The following RIMBP2 variants were observed in gnomAD, a reference collection of about 807,000 sequenced individuals.
The protein encoded by RIMBP2 is RIMS-binding protein 2.
A neutral mutation model predicts 118.6 loss-of-function variants in RIMBP2; 48 were observed. The ratio of observed to expected loss-of-function variants is 0.40; its 90% CI spans 0.32 to 0.51. RIMBP2 has a LOEUF of 0.51. Ranked by LOEUF, RIMBP2 falls within the 20% of genes least tolerant of loss-of-function variation. The probability of loss-of-function intolerance (pLI) is 0.41; values close to 1 mark genes in which losing one functional copy is unlikely to be tolerated. For synonymous variants in RIMBP2, 762 were observed against 742.9 expected (o/e 1.03, Z -0.42); for missense variants, 1,551 against 1,768.3 (o/e 0.88, Z 2.20).
chr12:130,668,163 C>A (rs759124043), intron 1 of RIMBP2: 2 of 152,166 alleles, frequency 1.3e-5, no homozygotes, highest in Non-Finnish European at 2.9e-5. Context: ...CCTTAACCTG[C>A]GAAACCCGAC....
chr12:130,456,430 C>A (rs1043552753), intron 7 of RIMBP2, 66 bp downstream of exon 7: 9 of 1,425,600 alleles, frequency 6.3e-6, no homozygotes, highest in African/African-American at 2.8e-5. Context: ...CCTGTGCACA[C>A]CCTCGCAGGC....
At chr12:130,456,944 C>T (rs536820227) in intron 6 of RIMBP2, among the ~76,000 whole-genome samples, 1 of 152,210 alleles carries the variant, frequency 6.6e-6, no homozygotes, top group Non-Finnish European at 1.5e-5. Flanking sequence ...GAGAGCAGTG[C>T]CTGATAAACC....
At chr12:130,532,442 G>A (rs1252621424) in intron 2 of RIMBP2, among the ~76,000 whole-genome samples, 1 of 151,058 alleles carries the variant, frequency 6.6e-6, no homozygotes, top group Non-Finnish European at 1.5e-5. Flanking sequence ...GCCTCTAGGA[G>A]GGACGTCTAA....
intron 2 of RIMBP2, among the ~76,000 whole-genome samples, chr12:130,543,129 G>A (rs187374324): frequency 7.2e-5 from 11 of 152,294 alleles, no homozygotes; most frequent in African/African-American, 4.8e-5. Flanking sequence ...CAGGCTAAAC[G>A]CCTTTCCAGA....
At position 130,434,711 on chromosome 12, in the gene RIMBP2, T is replaced by C; in HGVS notation, c.2253+23A>G. The C allele has an allele frequency of 6.2e-7, 1 of 1,605,858 alleles. No homozygotes were observed. The highest frequency in any genetic ancestry group is 8.5e-7 in the Non-Finnish European group (1 of 1,177,280). ...GAGCCCGCGCCCACCAGGAGGATGG[T>C]GTGGGGCCCGGCCCGCTCTCACCTG... On this transcript the variant is annotated intron_variant, in intron 14 of 22. Transcript: ENST00000690449. This position sits in a 1 kb window ranked among gnomAD's most constrained non-coding sequence, Gnocchi z 5.7.
At position 130,441,981 on chromosome 12, in the gene RIMBP2, C is replaced by T; in HGVS notation, c.1371G>A (p.Gln457=). ...DIVKAARYKY[Q]FFNLRPNMAY... ...CCATGTTGGGCCTGAGATTGAAGAACTGGTACTTGTACCTGGCGGCCTTGA... is the reference window on the plus strand; with the variant it reads ...CCATGTTGGGCCTGAGATTGAAGAATTGGTACTTGTACCTGGCGGCCTTGA... Residue 457 remains glutamine, a synonymous_variant, in exon 11 of 23, where the codon CAG becomes CAA. Transcript: ENST00000690449. The T allele has an allele frequency of 2.5e-6, 4 of 1,614,180 alleles. No homozygotes were observed. The highest frequency in any genetic ancestry group is 8.5e-7 in the Non-Finnish European group (1 of 1,180,050).
At chr12:130,413,975 C>T (rs2075931069) in intron 18 of RIMBP2, 150 bp downstream of exon 18, 3 of 846,758 alleles carry the variant, frequency 3.5e-6, no homozygotes, top group African/African-American at 3.4e-5. Context: ...CCCTTGCCGT[C>T]ACAGCACCAT....
At chr12:130,596,399 G>T (rs2059563667) in intron 2 of RIMBP2, among the ~76,000 whole-genome samples, 1 of 151,424 alleles carries the variant, frequency 6.6e-6, no homozygotes, top group Non-Finnish European at 1.5e-5. Context: ...CATTTCACAG[G>T]CGTTGAAACC....
intron 7 of RIMBP2, among the ~76,000 whole-genome samples, chr12:130,455,936 A>G (rs61144917): frequency 0.013 from 1,921 of 152,198 alleles, 35 homozygotes; most frequent in African/African-American, 0.043. Flanking sequence ...GCACACACAC[A>G]GGGGGCTTCT....
intron 1 of RIMBP2, among the ~76,000 whole-genome samples, chr12:130,707,631 C>A (rs74741935): frequency 6.6e-6 from 1 of 152,046 alleles, no homozygotes; most frequent in Non-Finnish European, 1.5e-5. Flanking sequence ...CAAGAGTGGG[C>A]GTGGACTGAG....
In RIMBP2 at chr12:130,434,606, TG is replaced by T; in HGVS notation, c.2253+127del. ...ACCTAGCACGACTTAGGACCCCAGC[TG>T]GGCGTCTCCATCTCTCTCAGGGACC... On this transcript the variant is annotated intron_variant, in intron 14 of 22. Transcript: ENST00000690449. The surrounding 1 kb of genome is among the most constrained non-coding windows in gnomAD (Gnocchi z 5.7). The T allele has an allele frequency of 1.0e-6, 1 of 967,644 alleles. No homozygotes were observed. The highest frequency in any genetic ancestry group is 1.5e-6 in the Non-Finnish European group (1 of 665,982). 59.9% of individuals were successfully genotyped at this position (967,644 alleles called of 1,614,324 possible).
At chr12:130,467,437 G>C (rs1378287649) in intron 6 of RIMBP2, among the ~76,000 whole-genome samples, 1 of 152,328 alleles carries the variant, frequency 6.6e-6, no homozygotes, top group South Asian at 2.1e-4. Flanking sequence ...AGTGCAAGAG[G>C]ACAGCTTCGA....
chr12:130,531,696 G>C (rs2053392087), intron 2 of RIMBP2, among the ~76,000 whole-genome samples: 1 of 152,256 alleles, frequency 6.6e-6, no homozygotes, highest in Non-Finnish European at 1.5e-5. Flanking sequence ...GAATAGAACA[G>C]TGGTGCCTGC....
At chr12:130,504,674 C>T (rs1395071579) in intron 4 of RIMBP2, among the ~76,000 whole-genome samples, 3 of 150,030 alleles carry the variant, frequency 2.0e-5, no homozygotes, top group African/African-American at 7.4e-5. Flanking sequence ...GAGAATATGA[C>T]TACGTCGCTT....
intron 2 of RIMBP2, among the ~76,000 whole-genome samples, chr12:130,568,143 A>T (rs10744469): frequency 0.79 from 120,393 of 152,192 alleles, 47,764 homozygotes; most frequent in East Asian, 0.86. Flanking sequence ...GGCCTTTGGC[A>T]GTCTTAAGGT....
At chr12:130,636,470 A>C (rs1294014670) in intron 1 of RIMBP2, among the ~76,000 whole-genome samples, 4 of 152,036 alleles carry the variant, frequency 2.6e-5, no homozygotes, top group Admixed American at 2.6e-4. Context: ...CACTCATTGG[A>C]CCTCACTAAA....
Position 130,424,893 on chromosome 12 carries a change from AAG to A in RIMBP2, c.2413-37_2413-36del, listed in dbSNP as rs1388389329. The A allele has an allele frequency of 2.4e-5, 28 of 1,190,620 alleles. No homozygotes were observed. Among genetic ancestry groups the A allele is most frequent in the Non-Finnish European group, 2.7e-5 (26 of 950,290 alleles). The allele number at this position is 1,190,620 out of a possible 1,614,324, so 73.8% of individuals were successfully genotyped here. On this transcript the variant is annotated intron_variant, in intron 15 of 22. Coordinates refer to ENST00000690449, the MANE Select transcript of RIMBP2 (RefSeq NM_001393629.1). This position sits in a 1 kb window ranked among gnomAD's most constrained non-coding sequence, Gnocchi z 9.8. The stretch of plus-strand genomic sequence containing the variant: ...TGGTGTGTCAAGAACAGGCGCGGGA[AAG>A]AGTGTGTGGTCAGCATGAAGTGGGG...
At position 130,450,075 on chromosome 12, in the gene RIMBP2, G is replaced by T; in HGVS notation, c.581+125C>A. ...CCCTGCTCAGCCTCCAGGCCAGGCT[G>T]AAATCCCACCTTCTCCTCGTGCCCT... On this transcript the variant is annotated intron_variant, in intron 9 of 22. Coordinates refer to ENST00000690449, the MANE Select transcript of RIMBP2 (RefSeq NM_001393629.1). The surrounding 1 kb of genome is among the most constrained non-coding windows in gnomAD (Gnocchi z 4.8). 1 of 666,212 alleles carries T rather than the reference G, an allele frequency of 1.5e-6. No individual in the cohort carries two copies. 41.3% of individuals were successfully genotyped at this position (666,212 alleles called of 1,614,324 possible). A position where few individuals can be genotyped will look rare whatever the true frequency, so the allele number is the denominator to read the frequency against.
At chr12:130,404,708 T>C (rs1241223209) in intron 21 of RIMBP2, among the ~76,000 whole-genome samples, 1 of 152,210 alleles carries the variant, frequency 6.6e-6, no homozygotes, top group African/African-American at 2.4e-5. Flanking sequence ...TATGTCAGAA[T>C]TGAAAGACAA....
Sources: gnomAD v4.1 joint callset for allele counts (sites outside exome capture counted in the v4.1 genomes callset) on GRCh38, gnomAD v4.1.1 for gene constraint, Gnocchi (gnomAD v3.1) non-coding constraint, MANE v1.5 for transcripts, NCBI Gene and HGNC (gene_info 2026-07-23, HGNC 2026-07-21) for gene names.